PPP1R13L: variants seen among roughly 807,000 people sequenced by gnomAD.
PPP1R13L encodes the protein protein phosphatase 1 regulatory subunit 13 like, also known as relA-associated inhibitor.
PPP1R13L carries 50 observed loss-of-function variants against 80.9 expected under a neutral mutation model. The observed-to-expected ratio is 0.62, with a 90% CI of 0.49 to 0.78. PPP1R13L has a LOEUF of 0.78. PPP1R13L is among the 30% of genes least tolerant of loss of function. The pLI, the probability that PPP1R13L is intolerant of heterozygous loss-of-function variation, is 0.00. For missense variants in PPP1R13L, 1,200 were observed against 1,205.9 expected, an observed-to-expected ratio of 1.00 and a Z score of 0.07; for synonymous variants, 602 against 534.3, an observed-to-expected ratio of 1.13 and a Z score of -1.75.
intron 7 of PPP1R13L, chr19:45,395,151 T>C (rs764964396): frequency 9.5e-4 from 403 of 423,934 alleles, no homozygotes; most frequent in Non-Finnish European, 1.6e-3. Flanking sequence ...GGCCCATTAT[T>C]TCCCTTTTAC....
Position 45,387,144 on chromosome 19 carries a change from C to T in PPP1R13L, c.1816-964G>A, listed in dbSNP as rs573198456. 7.3e-5 allele frequency among the ~76,000 whole-genome samples: 11 copies of T among 151,720 alleles called. No individual in the cohort carries two copies. In the South Asian group the frequency reaches 8.4e-4, roughly 12 times the overall value. ...TTAGCCTGACATGGTGGCGCACACC[C>T]GTCGTCCCAGCTACTTGGGAGGCTG... On this transcript the variant is annotated intron_variant, in intron 8 of 12. Transcript: ENST00000360957.
intron 11 of PPP1R13L, among the ~76,000 whole-genome samples, chr19:45,383,918 C>A (rs1189771019): frequency 6.6e-6 from 1 of 151,896 alleles, no homozygotes; most frequent in African/African-American, 2.4e-5. Flanking sequence ...CACGCCGCTA[C>A]ACCCGGCTAA....
At chr19:45,406,081 C>T (rs1318558563), upstream of PPP1R13L, 1 of 161,402 alleles carries the variant, frequency 6.2e-6, no homozygotes, top group Non-Finnish European at 1.3e-5. The surrounding 1 kb of genome is among the most constrained non-coding windows in gnomAD (Gnocchi z 4.2). Flanking sequence ...GCTCCGCCCT[C>T]GAGAACCACA....
At chr19:45,381,826 G>A (rs934054366) in intron 12 of PPP1R13L, among the ~76,000 whole-genome samples, 3 of 151,062 alleles carry the variant, frequency 2.0e-5, no homozygotes, top group African/African-American at 7.3e-5. Context: ...TGTCATCCCA[G>A]CTACTCTGGA....
At chr19:45,388,844 TCTC>T (rs1972915727) in intron 8 of PPP1R13L, among the ~76,000 whole-genome samples, 1 of 151,942 alleles carries the variant, frequency 6.6e-6, no homozygotes, top group South Asian at 2.1e-4. Context: ...TTCAAGCAAT[TCTC>T]CTGCCTGAGC....
intron 11 of PPP1R13L, among the ~76,000 whole-genome samples, chr19:45,383,142 C>T (rs1361538205): frequency 4.0e-5 from 6 of 149,968 alleles, no homozygotes; most frequent in Non-Finnish European, 8.9e-5. Context: ...CTACAGGCGC[C>T]CGCCACCACG....
In PPP1R13L at chr19:45,395,552, T is replaced by C. The variant is rs1973066385; in HGVS notation, c.1238A>G (p.Gln413Arg). The change falls in exon 7 of 13, where the codon CAG becomes CGG. Residue 413 changes from glutamine (Q) to arginine (R), a missense_variant. Physicochemically the swap from Gln to Arg is conservative, Grantham distance 43 (BLOSUM62 1). Transcript: ENST00000360957. The part of the protein sequence containing the change: ...PPKLQPQPQP[Q>R]PQPQSQPQPQ... ...CTGTGGTTGTGATTGTGGCTGGGGCTGTGGTTGTGGTTGGGGCTGCAGCTT... is the reference window on the plus strand; with the variant it reads ...CTGTGGTTGTGATTGTGGCTGGGGCCGTGGTTGTGGTTGGGGCTGCAGCTT... The C allele has an allele frequency of 6.8e-7, 1 of 1,476,726 alleles. No individual in the cohort carries two copies. Among genetic ancestry groups the C allele is most frequent in the Admixed American group, 2.1e-5 (1 of 46,716 alleles). 91.5% of individuals were successfully genotyped at this position (1,476,726 alleles called of 1,614,324 possible). A position where few individuals can be genotyped will look rare whatever the true frequency, so the allele number is the denominator to read the frequency against.
At chr19:45,404,742 G>A (rs1172798951) in intron 1 of PPP1R13L, among the ~76,000 whole-genome samples, 2 of 152,160 alleles carry the variant, frequency 1.3e-5, no homozygotes, top group Non-Finnish European at 2.9e-5. Flanking sequence ...CCCAGTTCGA[G>A]GGACTCAGGA....
rs539710802 is a variant in PPP1R13L, at chr19:45,396,007, G to T, written c.904-121C>A. On this transcript the variant is annotated intron_variant, in intron 6 of 12. Coordinates refer to ENST00000360957, the MANE Select transcript of PPP1R13L (RefSeq NM_006663.4). This position sits in a 1 kb window ranked among gnomAD's most constrained non-coding sequence, Gnocchi z 5.3. ...GCCCTGGGAGTGAGGGAGAAGAAAG[G>T]GTGAGGAAGGAGCAGAAACCCAGCA... 1.2e-5 allele frequency: 15 copies of T among 1,275,254 alleles called. No homozygotes were observed. The highest frequency in any genetic ancestry group is 2.4e-4 in the Middle Eastern group (1 of 4,172). 79.0% of individuals were successfully genotyped at this position (1,275,254 alleles called of 1,614,324 possible).
chr19:45,385,865 G>A lies in PPP1R13L; in HGVS notation c.2040C>T (p.Ile680=). ...GGGAGTTGACATTGGCACCCGCGGT[G>A]ATGAGGAAATCCACGATAGAGTAGT... ...GANYSIVDFL[I]TAGANVNSPD... is the part of the protein sequence containing the mutation. The change falls in exon 10 of 13, where the codon ATC becomes ATT. Residue 680 remains isoleucine, a synonymous_variant. Coordinates refer to ENST00000360957, the MANE Select transcript of PPP1R13L (RefSeq NM_006663.4). 6.2e-7 allele frequency: 1 copy of A among 1,610,954 alleles called. No individual in the cohort carries two copies. The highest frequency in any genetic ancestry group is 8.5e-7 in the Non-Finnish European group (1 of 1,178,818).
chr19:45,391,841 T>C (rs1482542704), intron 8 of PPP1R13L, 39 bp downstream of exon 8: 3 of 1,405,156 alleles, frequency 2.1e-6, no homozygotes, highest in South Asian at 1.7e-5. Flanking sequence ...CCTGGATTCA[T>C]GTAGCAAACA....
At chr19:45,401,777 A>C (rs1973237150) in intron 1 of PPP1R13L, among the ~76,000 whole-genome samples, 1 of 149,948 alleles carries the variant, frequency 6.7e-6, no homozygotes, top group Non-Finnish European at 1.5e-5. Context: ...AGCTGGTAAA[A>C]GCATGAGTAA....
chr19:45,387,802 C>T (rs908029044), intron 8 of PPP1R13L, among the ~76,000 whole-genome samples: 2 of 152,140 alleles, frequency 1.3e-5, no homozygotes, highest in African/African-American at 2.4e-5. Context: ...CCGCCCACCT[C>T]GGCCTCCCAA....
At position 45,397,017 on chromosome 19, in the gene PPP1R13L, G is replaced by A. The variant is rs999939496; in HGVS notation, c.240C>T (p.Gly80=). 4 of 1,371,012 alleles carry A rather than the reference G, an allele frequency of 2.9e-6. No individual in the cohort carries two copies. The African/African-American group carries it at 4.5e-5, about 15-fold the overall frequency. 84.9% of individuals were successfully genotyped at this position (1,371,012 alleles called of 1,614,324 possible). A position where few individuals can be genotyped will look rare whatever the true frequency, so the allele number is the denominator to read the frequency against. Residue 80 remains glycine (G), a synonymous_variant, in exon 4 of 13, where the codon GGC becomes GGT. Coordinates refer to ENST00000360957, the MANE Select transcript of PPP1R13L (RefSeq NM_006663.4). ...YSSSSIPEPF[G]SRGSPRKAAT... Reference sequence around the variant, plus strand: ...CCGCCTTCCGGGGGGACCCTCGGCTGCCGAAGGGCTCAGGGATCGAGCTGG... The same window carrying A: ...CCGCCTTCCGGGGGGACCCTCGGCTACCGAAGGGCTCAGGGATCGAGCTGG...
At chr19:45,384,995 C>G (rs1309604161) in intron 11 of PPP1R13L, among the ~76,000 whole-genome samples, 2 of 152,024 alleles carry the variant, frequency 1.3e-5, no homozygotes, top group Non-Finnish European at 2.9e-5. Flanking sequence ...CCGTGAAGTT[C>G]CTTGCCCACA....
At chr19:45,387,696 G>C (rs528215588) in intron 8 of PPP1R13L, among the ~76,000 whole-genome samples, 2 of 152,070 alleles carry the variant, frequency 1.3e-5, no homozygotes, top group South Asian at 2.1e-4. Context: ...CTGGGACTAC[G>C]GGCGCCCGCC....
chr19:45,397,921 G>A (rs150480419), intron 3 of PPP1R13L, 84 bp downstream of exon 3: 44 of 1,507,494 alleles, frequency 2.9e-5, no homozygotes, highest in Non-Finnish European at 3.7e-5. Context: ...AACTATATGG[G>A]GCAATTTTGC....
chr19:45,396,371 C>G lies in PPP1R13L; in HGVS notation c.778G>C (p.Glu260Gln), dbSNP rs112730430. ...CTCGCTGTCTGCGAAGGCTTCTTCT[C>G]GTACGCCACGTCCAGGTCAGACTCG... ...WNESDLDVAYEKKPSQTASYE... is the reference protein window; with the variant it reads ...WNESDLDVAYQKKPSQTASYE... The change falls in exon 5 of 13, where the codon GAG becomes CAG. Residue 260 changes from glutamate (E) to glutamine (Q), a missense_variant. Glu to Gln is a conservative substitution (Grantham distance 29). Around this residue, in one of 5 missense-constraint regions of PPP1R13L, gnomAD observed 764 missense variants for 714.5 expected, o/e 1.07. Transcript: ENST00000360957. The surrounding 1 kb of genome is among the most constrained non-coding windows in gnomAD (Gnocchi z 5.3). 6.2e-7 allele frequency: 1 copy of G among 1,614,144 alleles called. No homozygotes were observed. The highest frequency in any genetic ancestry group is 1.1e-5 in the South Asian group (1 of 91,078).
At chr19:45,392,493 G>T in intron 7 of PPP1R13L, 153 bp from the exon 8 acceptor site, 1 of 799,568 alleles carries the variant, frequency 1.3e-6, no homozygotes, top group Non-Finnish European at 2.1e-6. Flanking sequence ...TCCTTGGGCT[G>T]TGAATAATAT....
Sources: gnomAD v4.1 joint callset for allele counts (sites outside exome capture counted in the v4.1 genomes callset) on GRCh38, gnomAD v4.1.1 for gene constraint, gnomAD v4.1.1 regional missense constraint, Gnocchi (gnomAD v3.1) non-coding constraint, MANE v1.5 for transcripts, NCBI Gene and HGNC (gene_info 2026-07-23, HGNC 2026-07-21) for gene names.